The following PTBP3 variants were observed in gnomAD, a reference collection of about 807,000 sequenced individuals.
PTBP3 encodes polypyrimidine tract-binding protein 3.
A neutral mutation model predicts 58.7 loss-of-function variants in PTBP3; 20 were observed. The ratio of observed to expected loss-of-function variants is 0.34; its 90% CI spans 0.24 to 0.50. The LOEUF (loss-of-function observed/expected upper bound fraction) is 0.50, where lower values mean the gene tolerates loss of function less well. PTBP3 is among the 20% of genes least tolerant of loss of function. The pLI is 0.98. For missense variants in PTBP3, 509 were observed against 637.2 expected, an observed-to-expected ratio of 0.80 and a Z score of 2.17; for synonymous variants, 185 against 219.8, an observed-to-expected ratio of 0.84 and a Z score of 1.40.
intron 10 of PTBP3, among the ~76,000 whole-genome samples, chr9:112,228,845 C>G (rs1835093299): frequency 6.6e-6 from 1 of 152,208 alleles, no homozygotes; most frequent in Non-Finnish European, 1.5e-5. Context: ...AATCAATCAC[C>G]AGCACCCATT....
chr9:112,378,057 C>G, the PTBP3 span, among the ~76,000 whole-genome samples: 1 of 152,114 alleles, frequency 6.6e-6, no homozygotes, highest in African/African-American at 2.4e-5. Flanking sequence ...GTGTTCTAAG[C>G]CAAAATTATT....
chr9:112,361,263 A>T, the PTBP3 span, among the ~76,000 whole-genome samples: 184 of 151,872 alleles, frequency 1.2e-3, 8 homozygotes, highest in South Asian at 0.037. Flanking sequence ...TACCTGGATA[A>T]TTTTTTTGTA....
At chr9:112,230,963 T>TGTAGACAATAATAAAATAGCAAAAATG (rs547407546) in intron 10 of PTBP3, among the ~76,000 whole-genome samples, 5 of 151,282 alleles carry the variant, frequency 3.3e-5, no homozygotes, top group African/African-American at 9.8e-5. Flanking sequence ...ATTTTGACCC[T>TGTAGACAATAATAAAATAGCAAAAATG]ACGCAGCTGT....
At chr9:112,322,448 C>G (rs1490180865) in intron 1 of PTBP3, among the ~76,000 whole-genome samples, 1 of 152,170 alleles carries the variant, frequency 6.6e-6, no homozygotes, top group Non-Finnish European at 1.5e-5. Flanking sequence ...GAATGCTTCT[C>G]TCCCCAACAC....
At chr9:112,377,315 A>T in the PTBP3 span, among the ~76,000 whole-genome samples, 1 of 152,042 alleles carries the variant, frequency 6.6e-6, no homozygotes, top group Non-Finnish European at 1.5e-5. Context: ...ATGCTGCTAC[A>T]CTCCAGCCTG....
chr9:112,234,583 A>G (rs185419251), intron 8 of PTBP3, among the ~76,000 whole-genome samples: 22 of 152,354 alleles, frequency 1.4e-4, no homozygotes, highest in African/African-American at 4.3e-4. Context: ...TGCCAAAAGC[A>G]AACATAAATG....
chr9:112,322,740 T>C (rs1331355554), intron 1 of PTBP3, among the ~76,000 whole-genome samples: 1 of 152,180 alleles, frequency 6.6e-6, no homozygotes, highest in Admixed American at 6.5e-5. Context: ...GGACACAGAT[T>C]TTGGAATTAT....
At position 112,222,389 on chromosome 9, in the gene PTBP3, T is replaced by C; in HGVS notation, c.*1462A>G. ...CTCCAAATACGTGGGTACTCAGTAA[T>C]GAAAGTCACATTAACAAAGAAAAGC... On this transcript the variant is annotated 3_prime_UTR_variant, in exon 14 of 14. Coordinates refer to ENST00000374257, the MANE Select transcript of PTBP3 (RefSeq NM_001163788.4). 1 of 985,660 alleles carries C rather than the reference T, an allele frequency of 1.0e-6. No homozygotes were observed. The highest frequency in any genetic ancestry group is 1.2e-6 in the Non-Finnish European group (1 of 829,914). 61.1% of individuals were successfully genotyped at this position (985,660 alleles called of 1,614,324 possible).
At chr9:112,252,366 G>A (rs1165812353) in intron 6 of PTBP3, 1 of 318,822 alleles carries the variant, frequency 3.1e-6, no homozygotes, top group Non-Finnish European at 5.8e-6. Flanking sequence ...AAAGCACGAG[G>A]GTAATGATGG....
the PTBP3 span, among the ~76,000 whole-genome samples, chr9:112,349,944 TTGTC>T: frequency 6.6e-6 from 1 of 150,668 alleles, no homozygotes. Flanking sequence ...GGAGAATTGT[TTGTC>T]TGTGGGGAAA....
At chr9:112,370,022 T>C in the PTBP3 span, among the ~76,000 whole-genome samples, 1 of 152,192 alleles carries the variant, frequency 6.6e-6, no homozygotes, top group African/African-American at 2.4e-5. Context: ...CTCCTTTGCC[T>C]TCTGCCATGA....
intron 1 of PTBP3, among the ~76,000 whole-genome samples, chr9:112,327,151 C>G (rs1239768527): frequency 2.0e-5 from 3 of 151,794 alleles, no homozygotes; most frequent in Non-Finnish European, 4.4e-5. Flanking sequence ...ATGCAGTGAG[C>G]CATGATTGTG....
chr9:112,313,430 T>C (rs1009350713), intron 1 of PTBP3, among the ~76,000 whole-genome samples: 4 of 152,236 alleles, frequency 2.6e-5, no homozygotes, highest in African/African-American at 9.6e-5. Flanking sequence ...CAGGCAGCTG[T>C]ATTGTTTATC....
chr9:112,317,672 G>A (rs1339973242), intron 1 of PTBP3, among the ~76,000 whole-genome samples: 6 of 152,168 alleles, frequency 3.9e-5, no homozygotes, highest in Admixed American at 3.9e-4. Flanking sequence ...TTATGGGCCG[G>A]GCACAGTGGC....
At chr9:112,306,603 TA>T (rs1243445854) in intron 1 of PTBP3, among the ~76,000 whole-genome samples, 6,807 of 89,678 alleles carry the variant, frequency 0.076, 427 homozygotes, top group African/African-American at 0.27. Flanking sequence ...TATATATATA[TA>T]TTTTTGTTTG....
At chr9:112,303,285 T>C (rs1277381294) in intron 1 of PTBP3, among the ~76,000 whole-genome samples, 1 of 152,246 alleles carries the variant, frequency 6.6e-6, no homozygotes, top group Non-Finnish European at 1.5e-5. Context: ...AATTTTTCTA[T>C]CCCAAGTGAA....
chr9:112,301,303 A>G (rs1384885849), intron 1 of PTBP3, among the ~76,000 whole-genome samples: 1 of 152,020 alleles, frequency 6.6e-6, no homozygotes, highest in Non-Finnish European at 1.5e-5. Flanking sequence ...AGACCATGAT[A>G]CTACCACTTA....
At chr9:112,323,039 G>C (rs1221632967) in intron 1 of PTBP3, among the ~76,000 whole-genome samples, 1 of 152,210 alleles carries the variant, frequency 6.6e-6, no homozygotes, top group African/African-American at 2.4e-5. Flanking sequence ...CTTGAGGCCA[G>C]GCATTCAACA....
At chr9:112,234,988 C>T (rs1433931781) in intron 7 of PTBP3, 91 bp from the exon 8 acceptor site, 1 of 1,041,310 alleles carries the variant, frequency 9.6e-7, no homozygotes, top group Non-Finnish European at 1.4e-6. Flanking sequence ...AAGTATATTA[C>T]TAACAAAGAG....
Sources: gnomAD v4.1 joint callset for allele counts (sites outside exome capture counted in the v4.1 genomes callset) on GRCh38, gnomAD v4.1.1 for gene constraint, MANE v1.5 for transcripts, NCBI Gene and HGNC (gene_info 2026-07-23, HGNC 2026-07-21) for gene names.